Variants in WHRN observed in about 807,000 individuals in gnomAD.
WHRN encodes CASK-interacting protein CIP98.
In WHRN, 41 loss-of-function variants were observed where a neutral mutation model predicts 68.3. That is an observed-to-expected ratio of 0.60 (90% CI 0.47 to 0.78). WHRN has a LOEUF of 0.78. Ranked by LOEUF, WHRN falls within the 30% of genes least tolerant of loss-of-function variation. WHRN has a pLI of 0.00. For missense variants in WHRN, 1,243 were observed against 1,244.7 expected (o/e 1.00, Z 0.02); for synonymous variants, 560 against 561.3 (o/e 1.00, Z 0.03).
chr9:114,423,673 C>A, intron 6 of WHRN, 150 bp from the exon 7 acceptor site: 2 of 712,114 alleles, frequency 2.8e-6, no homozygotes, highest in Non-Finnish European at 4.6e-6. Context: ...AGAGAAAGGC[C>A]AAACACCGTC....
chr9:114,413,094 T>C (rs1835566836), intron 7 of WHRN, among the ~76,000 whole-genome samples: 1 of 152,212 alleles, frequency 6.6e-6, no homozygotes, highest in Admixed American at 6.5e-5. Context: ...TTCTTCATTC[T>C]GTATGTGGGG....
chr9:114,475,591 C>T (rs1420594668), intron 2 of WHRN, among the ~76,000 whole-genome samples: 1 of 152,106 alleles, frequency 6.6e-6, no homozygotes, highest in Admixed American at 6.5e-5. Context: ...CTACTATTGC[C>T]CTGAGAACCC....
Position 114,402,287 on chromosome 9 carries a change from T to A in WHRN, c.*467A>T, listed in dbSNP as rs1834744154. 4.9e-6 allele frequency: 1 copy of A among 203,788 alleles called. No homozygotes were observed. The highest frequency in any genetic ancestry group is 1.0e-5 in the Non-Finnish European group (1 of 98,052). 12.6% of individuals were successfully genotyped at this position (203,788 alleles called of 1,614,324 possible). A position where few individuals can be genotyped will look rare whatever the true frequency, so the allele number is the denominator to read the frequency against. On this transcript the variant is annotated 3_prime_UTR_variant, in exon 12 of 12. Transcript: ENST00000362057. ...GAGCCAGGAGGAATGGGGGTGTGAATGGGGAGGTGCTCGATGCTTATTTGT... is the reference window on the plus strand; with the variant it reads ...GAGCCAGGAGGAATGGGGGTGTGAAAGGGGAGGTGCTCGATGCTTATTTGT...
chr9:114,426,697 C>T (rs1047161149), intron 3 of WHRN, among the ~76,000 whole-genome samples: 4 of 152,188 alleles, frequency 2.6e-5, no homozygotes, highest in Non-Finnish European at 4.4e-5. Context: ...CCAAGGGTCC[C>T]CTTATCTAGA....
chr9:114,415,964 G>A (rs1835787762), intron 7 of WHRN, among the ~76,000 whole-genome samples: 1 of 152,120 alleles, frequency 6.6e-6, no homozygotes, highest in South Asian at 2.1e-4. Context: ...CCTGAGACAA[G>A]CCTGAGCTTC....
intron 2 of WHRN, among the ~76,000 whole-genome samples, chr9:114,467,005 CCAGGGGTCTCCTGTCACCT>C (rs1450511395): frequency 6.6e-6 from 1 of 150,880 alleles, no homozygotes; most frequent in African/African-American, 2.4e-5. Context: ...TCCTGTCACC[CCAGGGGTCTCCTGTCACCT>C]CAGGGGTATC....
chr9:114,426,677 C>T (rs895806407), intron 3 of WHRN, among the ~76,000 whole-genome samples: 8 of 152,146 alleles, frequency 5.3e-5, no homozygotes, highest in East Asian at 3.9e-4. Flanking sequence ...GGTGGGTCTA[C>T]GATGACATTC....
intron 3 of WHRN, among the ~76,000 whole-genome samples, chr9:114,439,653 C>T (rs894788687): frequency 5.3e-5 from 8 of 152,106 alleles, no homozygotes; most frequent in African/African-American, 1.9e-4. Flanking sequence ...TGTGTGTACA[C>T]ACATGTATGA....
chr9:114,436,905 T>TA lies in WHRN; in HGVS notation c.964-10493dup, dbSNP rs957331957. On this transcript the variant is annotated intron_variant, in intron 3 of 11. Transcript: ENST00000362057. ...TTTATTATTTAAATATAATGAAAAATAAAAAACTTTTTGCTATTTAAAAAT... is the reference window on the plus strand; with the variant it reads ...TTTATTATTTAAATATAATGAAAAATAAAAAAACTTTTTGCTATTTAAAAAT... 2.0e-4 allele frequency among the ~76,000 whole-genome samples: 30 copies of TA among 151,876 alleles called. 4 individuals carry two copies. Among genetic ancestry groups the TA allele is most frequent in the Admixed American group, 1.7e-3 (26 of 15,288 alleles).
chr9:114,449,018 G>T (rs1204520172), intron 3 of WHRN, among the ~76,000 whole-genome samples: 1 of 152,164 alleles, frequency 6.6e-6, no homozygotes, highest in Non-Finnish European at 1.5e-5. Context: ...ATGGTCAAGT[G>T]CCCAAAGCAC....
intron 2 of WHRN, among the ~76,000 whole-genome samples, chr9:114,466,889 G>A (rs1001853404): frequency 6.0e-5 from 9 of 150,272 alleles, no homozygotes; most frequent in African/African-American, 1.5e-4. Flanking sequence ...GGGGTCTCCC[G>A]TCACCTCAGG....
intron 2 of WHRN, among the ~76,000 whole-genome samples, chr9:114,467,349 G>C (rs975845239): frequency 2.6e-5 from 4 of 152,116 alleles, no homozygotes; most frequent in African/African-American, 9.7e-5. Context: ...TAGTGGTACA[G>C]ACAGTCAACA....
rs1015150796 is a variant in WHRN, at chr9:114,402,220, G to C, written c.*534C>G. 1 of 173,570 alleles carries C rather than the reference G, an allele frequency of 5.8e-6. No homozygotes were observed. The highest frequency in any genetic ancestry group is 1.3e-5 in the Non-Finnish European group (1 of 79,330). 10.8% of individuals were successfully genotyped at this position (173,570 alleles called of 1,614,324 possible). On this transcript the variant is annotated 3_prime_UTR_variant, in exon 12 of 12. Transcript: ENST00000362057. ...AGCTGGGGCCTTGGGGTCCCCAGGG[G>C]CATGGGGAGGGAAATAAATAATAAA...
chr9:114,471,217 T>C (rs1026857081), intron 2 of WHRN, among the ~76,000 whole-genome samples: 4 of 151,984 alleles, frequency 2.6e-5, no homozygotes, highest in Non-Finnish European at 5.9e-5. Flanking sequence ...ATTAATAGAA[T>C]AATAACTCAG....
Position 114,426,346 on chromosome 9 carries a change from C to T in WHRN, c.1031G>A (p.Arg344Lys). 6.2e-7 allele frequency: 1 copy of T among 1,614,100 alleles called. No homozygotes were observed. The highest frequency in any genetic ancestry group is 8.5e-7 in the Non-Finnish European group (1 of 1,180,054). Residue 344 changes from arginine (R) to lysine (K), a missense_variant, in exon 4 of 12, where the codon AGG (arginine) becomes AAG (lysine). Coordinates refer to ENST00000362057, the MANE Select transcript of WHRN (RefSeq NM_015404.4). ...FLNILHDEAV[R>K]LLKSSRHLIL... ...GAGGTGCCGAGATGACTTAAGCAGC[C>T]TGACAGCCTCGTCGTGTAGGATGTT... is the stretch of plus-strand genomic sequence containing the variant.
At chr9:114,437,148 T>C (rs1589135422) in intron 3 of WHRN, among the ~76,000 whole-genome samples, 2 of 152,226 alleles carry the variant, frequency 1.3e-5, no homozygotes, top group Admixed American at 1.3e-4. Context: ...ATGATAAAGG[T>C]GGCACTACAA....
chr9:114,429,599 C>A (rs563874071), intron 3 of WHRN, among the ~76,000 whole-genome samples: 330 of 152,348 alleles, frequency 2.2e-3, no homozygotes, highest in Non-Finnish European at 3.9e-3. Flanking sequence ...GAAGCCAGGG[C>A]CCCTGAGAAC....
intron 7 of WHRN, among the ~76,000 whole-genome samples, chr9:114,411,150 G>A (rs766104658): frequency 6.6e-6 from 1 of 152,174 alleles, no homozygotes; most frequent in African/African-American, 2.4e-5. Context: ...ACCGCGAGAC[G>A]TGTCCTGGCC....
rs1844187830 is a variant in WHRN at position 114,504,229 on chromosome 9, G to A, written c.573C>T (p.Val191=). The A allele has an allele frequency of 8.1e-6, 13 of 1,614,190 alleles. No individual in the cohort carries two copies. Among genetic ancestry groups the A allele is most frequent in the African/African-American group, 8.0e-5 (6 of 75,074 alleles). The change falls in exon 1 of 12, where the codon GTC becomes GTT. Residue 191 remains valine (V), a synonymous_variant. Transcript: ENST00000362057. ...GLRVGDQILR[V]NDKSLARVTH... ...TCACCCGGGCCAGGGATTTGTCGTT[G>A]ACGCGCAGAATCTGGTCCCCGACCC... is the stretch of plus-strand genomic sequence containing the variant.
Sources: gnomAD v4.1 joint callset for allele counts (sites outside exome capture counted in the v4.1 genomes callset) on GRCh38, gnomAD v4.1.1 for gene constraint, MANE v1.5 for transcripts, NCBI Gene and HGNC (gene_info 2026-07-23, HGNC 2026-07-21) for gene names.